RGPD2: variants seen among roughly 807,000 people sequenced by gnomAD.
The protein encoded by RGPD2 is RANBP2 like and GRIP domain containing 2, also known as RANBP2-like and GRIP domain-containing protein 2.
RGPD2 carries 2 observed loss-of-function variants against 36.0 expected under a neutral mutation model. The ratio of observed to expected loss-of-function variants is 0.06; its 90% CI spans 0.02 to 0.17. The LOEUF (loss-of-function observed/expected upper bound fraction) is 0.17. RGPD2 is among the 10% of genes least tolerant of loss of function. The pLI is 1.00. For synonymous variants in RGPD2, 19 were observed against 163.8 expected (o/e 0.12, Z 6.75); for missense variants, 40 against 464.3 (o/e 0.09, Z 8.40).
At chr2:87,878,331 G>C in the RGPD2 span, among the ~76,000 whole-genome samples, 15 of 137,442 alleles carry the variant, frequency 1.1e-4, no homozygotes, top group East Asian at 2.5e-3. Flanking sequence ...CCTGATACTT[G>C]TGATTGCATT....
the RGPD2 span, among the ~76,000 whole-genome samples, chr2:87,957,254 A>G: frequency 7.1e-6 from 1 of 140,256 alleles, no homozygotes; most frequent in Non-Finnish European, 1.5e-5. Context: ...GGCTCTCATT[A>G]TGAGATTTAT....
At chr2:87,958,413 AATACTT>A in the RGPD2 span, among the ~76,000 whole-genome samples, 3 of 151,932 alleles carry the variant, frequency 2.0e-5, no homozygotes, top group Non-Finnish European at 4.4e-5. Flanking sequence ...TTTTTAATTC[AATACTT>A]AAATGGATTA....
the RGPD2 span, among the ~76,000 whole-genome samples, chr2:87,961,321 T>C: frequency 6.6e-6 from 1 of 152,142 alleles, no homozygotes; most frequent in South Asian, 2.1e-4. Context: ...GACGCACTTG[T>C]GTACTGCGTC....
the RGPD2 span, among the ~76,000 whole-genome samples, chr2:87,894,248 G>C: frequency 1.3e-5 from 2 of 152,040 alleles, no homozygotes; most frequent in African/African-American, 2.4e-5. Flanking sequence ...TCAGTTTCTT[G>C]AGATAATTTA....
At chr2:87,791,308 T>TTC (rs1394543601) in intron 17 of RGPD2, among the ~76,000 whole-genome samples, 12 of 152,304 alleles carry the variant, frequency 7.9e-5, no homozygotes, top group Admixed American at 2.0e-4. Context: ...AGGTCAGAAG[T>TTC]TCAAAACCAG....
At chr2:87,869,960 T>C in the RGPD2 span, among the ~76,000 whole-genome samples, 1 of 152,278 alleles carries the variant, frequency 6.6e-6, no homozygotes, top group Non-Finnish European at 1.5e-5. Context: ...TCTTTTCTGT[T>C]TCCTTCACTT....
Position 87,756,279 on chromosome 2 carries a change from A to C in RGPD2, c.*1113T>G, listed in dbSNP as rs1195119353. 4.7e-5 allele frequency: 3 copies of C among 64,046 alleles called. No homozygotes were observed. The highest frequency in any genetic ancestry group is 1.7e-4 in the African/African-American group (3 of 18,154). 4.0% of individuals were successfully genotyped at this position (64,046 alleles called of 1,614,324 possible). A position where few individuals can be genotyped will look rare whatever the true frequency, so the allele number is the denominator to read the frequency against. ...AGAACTTTTACTGCAAACCATTTAC[A>C]GTAGACCACAATTTTATAGTCCTGT... On this transcript the variant is annotated 3_prime_UTR_variant, in exon 23 of 23. Coordinates refer to ENST00000398146, the MANE Select transcript of RGPD2 (RefSeq NM_001078170.3).
At chr2:87,875,207 C>T in the RGPD2 span, among the ~76,000 whole-genome samples, 1 of 152,040 alleles carries the variant, frequency 6.6e-6, no homozygotes, top group South Asian at 2.1e-4. Context: ...CTTTCTCTTG[C>T]CTCATTGCCC....
the RGPD2 span, among the ~76,000 whole-genome samples, chr2:87,912,150 T>TTTTTA: frequency 6.7e-6 from 1 of 148,532 alleles, no homozygotes; most frequent in Non-Finnish European, 1.5e-5. Context: ...AAGCACTGTT[T>TTTTTA]TATAACTTTT....
the RGPD2 span, among the ~76,000 whole-genome samples, chr2:87,965,589 C>G: frequency 2.0e-5 from 3 of 152,182 alleles, no homozygotes; most frequent in African/African-American, 7.2e-5. Context: ...GTTTTTAAAA[C>G]TACACGTGGC....
chr2:87,809,542 G>A (rs371216928), intron 6 of RGPD2, among the ~76,000 whole-genome samples: 17,430 of 113,790 alleles, frequency 0.15, 31 homozygotes, highest in East Asian at 0.29. Flanking sequence ...GGTGGTGGGC[G>A]CCTGTAGTCC....
intron 17 of RGPD2, among the ~76,000 whole-genome samples, chr2:87,791,200 CACAT>C (rs1685710325): frequency 1.3e-5 from 2 of 151,964 alleles, no homozygotes; most frequent in South Asian, 4.1e-4. Flanking sequence ...AGGAGAGAGA[CACAT>C]AAAGTACTTT....
the RGPD2 span, among the ~76,000 whole-genome samples, chr2:87,878,195 C>T: frequency 1.3e-5 from 2 of 152,238 alleles, no homozygotes; most frequent in Non-Finnish European, 2.9e-5. Context: ...TTTACATAAC[C>T]CCATATTTCA....
At chr2:87,987,856 G>A in the RGPD2 span, among the ~76,000 whole-genome samples, 2 of 77,180 alleles carry the variant, frequency 2.6e-5, no homozygotes, top group South Asian at 1.3e-3. Flanking sequence ...ATAAACTATG[G>A]GGCTTCTATT....
chr2:87,771,410 T>TTTG (rs1553425307), intron 22 of RGPD2: 6 of 31,940 alleles, frequency 1.9e-4, no homozygotes, highest in African/African-American at 6.4e-4. Context: ...TTTTTTTTTT[T>TTTG]TTTTTGAGAT....
chr2:87,912,115 C>T, the RGPD2 span, among the ~76,000 whole-genome samples: 8 of 149,824 alleles, frequency 5.3e-5, no homozygotes, highest in African/African-American at 1.7e-4. Context: ...AAGAATTCTT[C>T]GATTGTATTT....
At chr2:87,986,150 T>TTTC in the RGPD2 span, among the ~76,000 whole-genome samples, 1 of 139,126 alleles carries the variant, frequency 7.2e-6, no homozygotes, top group Non-Finnish European at 1.6e-5. Context: ...TTTTTTTTTT[T>TTTC]TTTGAGAGAG....
chr2:87,941,368 A>G, the RGPD2 span, among the ~76,000 whole-genome samples: 1 of 151,702 alleles, frequency 6.6e-6, no homozygotes, highest in Non-Finnish European at 1.5e-5. Flanking sequence ...TTAGGTTGTA[A>G]TAAAAAATAT....
chr2:87,849,377 G>T, the RGPD2 span, among the ~76,000 whole-genome samples: 1 of 152,048 alleles, frequency 6.6e-6, no homozygotes, highest in Non-Finnish European at 1.5e-5. Flanking sequence ...TAATTTTACA[G>T]ATGACATAGC....
Sources: gnomAD v4.1 joint callset for allele counts (sites outside exome capture counted in the v4.1 genomes callset) on GRCh38, gnomAD v4.1.1 for gene constraint, MANE v1.5 for transcripts, NCBI Gene and HGNC (gene_info 2026-07-23, HGNC 2026-07-21) for gene names.